The following GLYATL2 variants were observed in gnomAD, a reference collection of about 807,000 sequenced individuals.
GLYATL2 encodes glycine N-acyltransferase-like protein 2.
In GLYATL2, 25 loss-of-function variants were observed where a neutral mutation model predicts 21.4. The ratio of observed to expected loss-of-function variants is 1.17; its 90% CI spans 0.85 to 1.63. The LOEUF is 1.63. GLYATL2 is among the 40% of genes most tolerant of loss of function. The pLI, the probability that GLYATL2 is intolerant of heterozygous loss-of-function variation, is 0.00. For missense variants in GLYATL2, 361 were observed against 343.3 expected, an observed-to-expected ratio of 1.05 and a Z score of -0.41; for synonymous variants, 114 against 118.2, an observed-to-expected ratio of 0.96 and a Z score of 0.23.
At chr11:58,864,221 G>A (rs917081830) in intron 1 of GLYATL2, among the ~76,000 whole-genome samples, 7 of 152,172 alleles carry the variant, frequency 4.6e-5, no homozygotes, top group Admixed American at 3.3e-4. Flanking sequence ...AGTTGCAGGG[G>A]CCAGCCTTGT....
intron 1 of GLYATL2, among the ~76,000 whole-genome samples, chr11:58,874,650 G>A (rs1396110997): frequency 6.6e-6 from 1 of 152,226 alleles, no homozygotes; most frequent in African/African-American, 2.4e-5. Flanking sequence ...TGTGGTCTGA[G>A]AAACAGTTTG....
chr11:58,878,693 C>T (rs1854281513), intron 1 of GLYATL2, among the ~76,000 whole-genome samples: 1 of 152,136 alleles, frequency 6.6e-6, no homozygotes, highest in South Asian at 2.1e-4. Flanking sequence ...TAGGAAAAAT[C>T]ACTGGCTAGG....
chr11:58,874,488 G>A (rs1854189068), intron 1 of GLYATL2, among the ~76,000 whole-genome samples: 1 of 152,180 alleles, frequency 6.6e-6, no homozygotes, highest in Non-Finnish European at 1.5e-5. Flanking sequence ...GGAATGTTGT[G>A]TCTTTGTTCT....
At chr11:58,885,398 C>T in intron 1 of GLYATL2, 1 of 388,106 alleles carries the variant, frequency 2.6e-6, no homozygotes, top group Admixed American at 2.9e-5. Context: ...CTCTAGGGAT[C>T]TCAACCTCTC....
At chr11:58,855,032 C>A (rs1449776852) in intron 1 of GLYATL2, among the ~76,000 whole-genome samples, 6 of 152,182 alleles carry the variant, frequency 3.9e-5, no homozygotes, top group Non-Finnish European at 5.9e-5. Flanking sequence ...ATCTTGAACA[C>A]TTCAAAGTTA....
chr11:58,875,667 T>C (rs1854216304), intron 1 of GLYATL2, among the ~76,000 whole-genome samples: 2 of 152,250 alleles, frequency 1.3e-5, no homozygotes, highest in Admixed American at 1.3e-4. Flanking sequence ...CAGCTGTTAG[T>C]CTGTTGGGCT....
At chr11:58,838,596 G>C (rs774168715) in intron 2 of GLYATL2, among the ~76,000 whole-genome samples, 1 of 152,138 alleles carries the variant, frequency 6.6e-6, no homozygotes, top group Non-Finnish European at 1.5e-5. Flanking sequence ...GAGTCATTAG[G>C]AACTGGCTTC....
At chr11:58,858,015 A>G (rs1162737107) in intron 1 of GLYATL2, among the ~76,000 whole-genome samples, 1 of 152,146 alleles carries the variant, frequency 6.6e-6, no homozygotes, top group Admixed American at 6.5e-5. Flanking sequence ...ACAAGGAAAG[A>G]AAACATTTAA....
chr11:58,891,738 C>A (rs1477293902), intron 1 of GLYATL2, among the ~76,000 whole-genome samples: 2 of 152,104 alleles, frequency 1.3e-5, no homozygotes, highest in African/African-American at 4.8e-5. Context: ...TCAGTATAAC[C>A]CAGAATGTGT....
intron 1 of GLYATL2, among the ~76,000 whole-genome samples, chr11:58,887,224 TA>T (rs1413906074): frequency 3.3e-5 from 5 of 152,174 alleles, no homozygotes; most frequent in African/African-American, 1.2e-4. Flanking sequence ...TATGAAAATA[TA>T]AAAGTTGAAT....
intron 2 of GLYATL2, among the ~76,000 whole-genome samples, chr11:58,838,809 G>A (rs767368601): frequency 2.0e-5 from 3 of 152,122 alleles, no homozygotes; most frequent in African/African-American, 4.8e-5. Context: ...CGTAGGACAC[G>A]TGGTCTGAGA....
chr11:58,899,561 G>A (rs981738409), intron 1 of GLYATL2, among the ~76,000 whole-genome samples: 10 of 152,100 alleles, frequency 6.6e-5, no homozygotes, highest in Admixed American at 5.2e-4. Context: ...ACAAAAAGGA[G>A]AGGAAACAGG....
At position 58,844,694 on chromosome 11, in the gene GLYATL2, A is replaced by G; in HGVS notation, c.-301T>C. The G allele has an allele frequency of 6.6e-6, 1 of 152,238 alleles. No homozygotes were observed. Among genetic ancestry groups the G allele is most frequent in the Non-Finnish European group, 1.5e-5 (1 of 68,048 alleles). 9.4% of individuals were successfully genotyped at this position (152,238 alleles called of 1,614,324 possible). Reference sequence around the variant, plus strand: ...ATATGTTCCATATTGAGCAGCTTCTACAATTCTAAGAAGTTTTACTCAAGA... The same window carrying G: ...ATATGTTCCATATTGAGCAGCTTCTGCAATTCTAAGAAGTTTTACTCAAGA... On this transcript the variant is annotated 5_prime_UTR_variant, in exon 1 of 6. Transcript: ENST00000287275.
chr11:58,846,509 T>A (rs75553673), upstream of GLYATL2, among the ~76,000 whole-genome samples: 1,125 of 151,740 alleles, frequency 7.4e-3, 8 homozygotes, highest in Middle Eastern at 0.031. Flanking sequence ...GCACAGTATA[T>A]CTCTGGGCAC....
At chr11:58,886,635 A>C (rs1433925462) in intron 1 of GLYATL2, among the ~76,000 whole-genome samples, 2 of 152,244 alleles carry the variant, frequency 1.3e-5, no homozygotes, top group African/African-American at 4.8e-5. Context: ...AGAATTGGCC[A>C]TTGTTGGCTG....
intron 1 of GLYATL2, among the ~76,000 whole-genome samples, chr11:58,877,075 G>T (rs980543603): frequency 6.6e-6 from 1 of 152,246 alleles, no homozygotes; most frequent in African/African-American, 2.4e-5. Context: ...GGTAGGCATA[G>T]GACCTCTGTG....
intron 1 of GLYATL2, among the ~76,000 whole-genome samples, chr11:58,843,327 A>G (rs1219193980): frequency 6.6e-6 from 1 of 152,208 alleles, no homozygotes; most frequent in Non-Finnish European, 1.5e-5. Context: ...TATGGGAAAC[A>G]GTTAGGGTTT....
chr11:58,843,983 G>A (rs1276905085), intron 1 of GLYATL2, among the ~76,000 whole-genome samples: 9 of 152,112 alleles, frequency 5.9e-5, no homozygotes, highest in African/African-American at 1.9e-4. Context: ...ATTTGGCAGA[G>A]GGCAACAGAA....
At chr11:58,860,060 A>G (rs1853904393) in intron 1 of GLYATL2, among the ~76,000 whole-genome samples, 1 of 152,132 alleles carries the variant, frequency 6.6e-6, no homozygotes. Context: ...TGATATCTGC[A>G]GCTTTGTTCT....
Sources: gnomAD v4.1 joint callset for allele counts (sites outside exome capture counted in the v4.1 genomes callset) on GRCh38, gnomAD v4.1.1 for gene constraint, MANE v1.5 for transcripts, NCBI Gene and HGNC (gene_info 2026-07-23, HGNC 2026-07-21) for gene names.